MMP15: variants seen among roughly 807,000 people sequenced by gnomAD.
MMP15 encodes matrix metallopeptidase 15.
Under a neutral mutation model 65.0 loss-of-function variants are expected in MMP15, and 36 were observed. That is an observed-to-expected ratio of 0.55 (90% CI 0.42 to 0.73). The LOEUF is 0.73. MMP15 is among the 30% of genes least tolerant of loss of function. The pLI is 0.00. For missense variants in MMP15, 870 were observed against 987.8 expected (o/e 0.88, Z 1.60); for synonymous variants, 428 against 410.2 (o/e 1.04, Z -0.52).
At chr16:58,042,450 T>C in intron 7 of MMP15, 81 bp downstream of exon 7, 1 of 1,555,552 alleles carries the variant, frequency 6.4e-7, no homozygotes, top group Non-Finnish European at 8.7e-7. Flanking sequence ...GAAGAGGAGG[T>C]GAAGGGTTGC....
rs774232678 is a variant in MMP15 at position 58,040,195 on chromosome 16, GGCC to G, written c.748+14_748+16del. On this transcript the variant is annotated intron_variant, in intron 4 of 9. Transcript: ENST00000219271. ...ACTGACCTGCATGGTGAGGACAGCT[GGCC>G]AGGGTGAGGGGCAGGGCAGGTGGCC... is the stretch of plus-strand genomic sequence containing the variant. The G allele has an allele frequency of 3.6e-5, 58 of 1,595,812 alleles. No individual in the cohort carries two copies. The highest frequency in any genetic ancestry group is 4.7e-5 in the Non-Finnish European group (55 of 1,171,368).
intron 1 of MMP15, among the ~76,000 whole-genome samples, chr16:58,036,268 A>G (rs1003474430): frequency 6.6e-6 from 1 of 152,180 alleles, no homozygotes; most frequent in African/African-American, 2.4e-5. Context: ...GCTTGAGGAC[A>G]TGAAGCAGGC....
chr16:58,040,656 A>G lies in MMP15; in HGVS notation c.868A>G (p.Lys290Glu). The change falls in exon 5 of 10, where the codon AAG becomes GAG. Residue 290 changes from lysine (K) to glutamate (E), a missense_variant. Lys to Glu is a moderately conservative substitution (Grantham distance 56). Coordinates refer to ENST00000219271, the MANE Select transcript of MMP15 (RefSeq NM_002428.4). ...FYQWKDVDNF[K>E]LPEDDLRGIQ... ...CCAGTGGAAGGACGTTGACAACTTC[A>G]AGCTGCCCGAGGACGATCTCCGTGG... 1 of 1,614,198 alleles carries G rather than the reference A, an allele frequency of 6.2e-7. No homozygotes were observed. Among genetic ancestry groups the G allele is most frequent in the South Asian group, 1.1e-5 (1 of 91,088 alleles).
At position 58,043,557 on chromosome 16, in the gene MMP15, C is replaced by T; in HGVS notation, c.1500C>T (p.Tyr500=). 1 of 1,613,958 alleles carries T rather than the reference C, an allele frequency of 6.2e-7. No individual in the cohort carries two copies. Among genetic ancestry groups the T allele is most frequent in the Non-Finnish European group, 8.5e-7 (1 of 1,179,908 alleles). ...AGACACAGCGTGGAGACCCTGGGTA[C>T]CCCAAGCCCATCAGTGTCTGGCAGG... The part of the protein sequence containing the change: ...NEETQRGDPG[Y]PKPISVWQGI... Residue 500 remains tyrosine (Y), a synonymous_variant, in exon 9 of 10, where the codon TAC becomes TAT. Transcript: ENST00000219271.
intron 7 of MMP15, among the ~76,000 whole-genome samples, chr16:58,042,719 G>A (rs1173142707): frequency 6.6e-6 from 1 of 152,238 alleles, no homozygotes; most frequent in East Asian, 1.9e-4. Context: ...TCTGTCTGCA[G>A]AGACGAGGTC....
rs1425457447 is a variant in MMP15 at position 58,026,180 on chromosome 16, C to G, written c.-171C>G. The G allele has an allele frequency of 1.5e-6, 1 of 662,626 alleles. No individual in the cohort carries two copies. Among genetic ancestry groups the G allele is most frequent in the Non-Finnish European group, 2.1e-6 (1 of 470,518 alleles). 41.0% of individuals were successfully genotyped at this position (662,626 alleles called of 1,614,324 possible). On this transcript the variant is annotated 5_prime_UTR_variant, in exon 1 of 10. Coordinates refer to ENST00000219271, the MANE Select transcript of MMP15 (RefSeq NM_002428.4). ...GCTCCCGGACCTGCCCTGCCCGCTT[C>G]TCCTCGGGCTTGGGAATTTGCCGAG...
chr16:58,028,278 G>C (rs193131760), intron 1 of MMP15, among the ~76,000 whole-genome samples: 1 of 152,148 alleles, frequency 6.6e-6, no homozygotes, highest in African/African-American at 2.4e-5. Flanking sequence ...ATCACAAACC[G>C]TGCTCCTGAT....
At chr16:58,032,652 C>G (rs1291323599) in intron 1 of MMP15, among the ~76,000 whole-genome samples, 2 of 152,250 alleles carry the variant, frequency 1.3e-5, no homozygotes, top group African/African-American at 4.8e-5. Context: ...CAGGACTCAT[C>G]CCATTCAGCA....
At chr16:58,035,987 T>G (rs1959322819) in intron 1 of MMP15, among the ~76,000 whole-genome samples, 1 of 152,170 alleles carries the variant, frequency 6.6e-6, no homozygotes, top group Non-Finnish European at 1.5e-5. Context: ...GTAACACTGG[T>G]GGCAGGCAGA....
In MMP15 at chr16:58,046,849, A is replaced by G. The variant is rs1434314987; in HGVS notation, c.*1403A>G. 1 of 152,594 alleles carries G rather than the reference A, an allele frequency of 6.6e-6. No individual in the cohort carries two copies. The highest frequency in any genetic ancestry group is 2.4e-5 in the African/African-American group (1 of 41,432). The allele number at this position is 152,594 out of a possible 1,614,324, so 9.5% of individuals were successfully genotyped here. A position where few individuals can be genotyped will look rare whatever the true frequency, so the allele number is the denominator to read the frequency against. On this transcript the variant is annotated 3_prime_UTR_variant, in exon 10 of 10. Coordinates refer to ENST00000219271, the MANE Select transcript of MMP15 (RefSeq NM_002428.4). ...CTGCGGGGGTTCCGTGTCCACCCCC[A>G]TACATTTATTTCTGTAAATAATGTG... is the stretch of plus-strand genomic sequence containing the variant.
intron 1 of MMP15, among the ~76,000 whole-genome samples, chr16:58,033,677 C>T (rs1047633820): frequency 1.3e-5 from 2 of 152,196 alleles, no homozygotes; most frequent in Admixed American, 1.3e-4. Context: ...CCAAGGCAGG[C>T]GGATCACCTG....
intron 1 of MMP15, among the ~76,000 whole-genome samples, chr16:58,036,021 C>G (rs1480594407): frequency 6.6e-6 from 1 of 152,188 alleles, no homozygotes; most frequent in Non-Finnish European, 1.5e-5. Flanking sequence ...TCTGGCCGGC[C>G]AATATGGCTG....
chr16:58,038,351 G>T lies in MMP15; in HGVS notation c.397G>T (p.Ala133Ser). ...ANLRRRRKRY[A>S]LTGRKWNNHH... ...CCTGCGGCGGCGTCGGAAGCGCTAC[G>T]CCCTCACCGGGAGGAAGTGGAACAA... is the stretch of plus-strand genomic sequence containing the variant. Residue 133 changes from alanine to serine, a missense_variant, in exon 3 of 10, where the codon GCC becomes TCC. Physicochemically the swap from Ala to Ser is moderately conservative, Grantham distance 99. Transcript: ENST00000219271. The T allele has an allele frequency of 6.2e-7, 1 of 1,614,072 alleles. No homozygotes were observed. The highest frequency in any genetic ancestry group is 8.5e-7 in the Non-Finnish European group (1 of 1,180,008).
Position 58,043,570 on chromosome 16 carries a change from A to G in MMP15, c.1513A>G (p.Ser505Gly). Residue 505 changes from serine (S) to glycine (G), a missense_variant, in exon 9 of 10, where the codon AGT becomes GGT. Coordinates refer to ENST00000219271, the MANE Select transcript of MMP15 (RefSeq NM_002428.4). ...RGDPGYPKPI[S>G]VWQGIPASPK... ...AGACCCTGGGTACCCCAAGCCCATCAGTGTCTGGCAGGGGATCCCTGCCTC... is the reference window on the plus strand; with the variant it reads ...AGACCCTGGGTACCCCAAGCCCATCGGTGTCTGGCAGGGGATCCCTGCCTC... The G allele has an allele frequency of 1.2e-6, 2 of 1,613,818 alleles. No individual in the cohort carries two copies. The highest frequency in any genetic ancestry group is 1.7e-6 in the Non-Finnish European group (2 of 1,179,854).
intron 9 of MMP15, among the ~76,000 whole-genome samples, chr16:58,043,920 G>A (rs531791492): frequency 1.8e-4 from 27 of 152,316 alleles, no homozygotes; most frequent in Non-Finnish European, 3.2e-4. Flanking sequence ...TCCTGCCTGC[G>A]TCCGGAGCTG....
intron 2 of MMP15, 88 bp from the exon 3 acceptor site, chr16:58,038,178 G>T (rs1362428261): frequency 1.5e-5 from 23 of 1,555,240 alleles, no homozygotes; most frequent in Non-Finnish European, 2.0e-5. Flanking sequence ...CGGCTGGGAA[G>T]CCCGGAAGTG....
At chr16:58,037,202 AC>A (rs1362464755) in intron 1 of MMP15, among the ~76,000 whole-genome samples, 1 of 152,222 alleles carries the variant, frequency 6.6e-6, no homozygotes, top group East Asian at 1.9e-4. Flanking sequence ...TGGCTCTTGT[AC>A]AAATGGCTTT....
Position 58,045,408 on chromosome 16 carries a change from C to T in MMP15, c.1972C>T (p.Leu658=), listed in dbSNP as rs1387723419. The part of the protein sequence containing the change: ...QMQRKGAPRV[L]LYCKRSLQEW... ...GCAGCGCAAGGGTGCGCCACGTGTC[C>T]TGCTTTACTGCAAGCGCTCGCTGCA... The change falls in exon 10 of 10, where the codon CTG becomes TTG. Residue 658 remains leucine, a synonymous_variant. Transcript: ENST00000219271. 5.1e-6 allele frequency: 8 copies of T among 1,567,448 alleles called. No homozygotes were observed. The highest frequency in any genetic ancestry group is 2.7e-5 in the African/African-American group (2 of 74,432).
chr16:58,037,416 C>A, intron 1 of MMP15, 56 bp from the exon 2 acceptor site: 1 of 1,591,560 alleles, frequency 6.3e-7, no homozygotes. Flanking sequence ...ACAGGCTGTG[C>A]ATGTTTGGAG....
Sources: gnomAD v4.1 joint callset for allele counts (sites outside exome capture counted in the v4.1 genomes callset) on GRCh38, gnomAD v4.1.1 for gene constraint, MANE v1.5 for transcripts, NCBI Gene and HGNC (gene_info 2026-07-23, HGNC 2026-07-21) for gene names.